Variants in PKIA observed in about 807,000 individuals in gnomAD.
The protein encoded by PKIA is cAMP-dependent protein kinase inhibitor alpha, also known as PKI-alpha.
PKIA carries 4 observed loss-of-function variants against 7.6 expected under a neutral mutation model. The observed-to-expected ratio is 0.52, with a 90% CI of 0.26 to 1.20. PKIA has a LOEUF of 1.20. PKIA is among the 50% of genes most tolerant of loss of function. The pLI, the probability that PKIA is intolerant of heterozygous loss-of-function variation, is 0.13. For missense variants in PKIA, 73 were observed against 86.2 expected (o/e 0.85, Z 0.61); for synonymous variants, 21 against 30.7 (o/e 0.68, Z 1.04).
intron 1 of PKIA, among the ~76,000 whole-genome samples, chr8:78,560,402 C>T (rs1807257820): frequency 6.6e-6 from 1 of 152,122 alleles, no homozygotes; most frequent in Non-Finnish European, 1.5e-5. Context: ...TTTTTCTATT[C>T]ACACCTTGAA....
chr8:78,568,555 G>A lies in PKIA; in HGVS notation c.-156-4256G>A, dbSNP rs180795415. Among the ~76,000 whole-genome samples the A allele has an allele frequency of 1.8e-4, 28 of 152,194 alleles. No homozygotes were observed. The East Asian group carries it at 5.2e-3, about 28-fold the overall frequency. On this transcript the variant is annotated intron_variant, in intron 1 of 3. Transcript: ENST00000396418. ...TGAATACAATAAATAAGCATAGGAG[G>A]CACCAAATAGTGAAAACTGGAAGGC...
rs1425816365 is a variant in PKIA, at chr8:78,602,855, A to G, written c.*1034A>G. 1.3e-5 allele frequency: 2 copies of G among 152,308 alleles called. No homozygotes were observed. Among genetic ancestry groups the G allele is most frequent in the Non-Finnish European group, 2.9e-5 (2 of 67,920 alleles). 9.4% of individuals were successfully genotyped at this position (152,308 alleles called of 1,614,324 possible). A position where few individuals can be genotyped will look rare whatever the true frequency, so the allele number is the denominator to read the frequency against. On this transcript the variant is annotated 3_prime_UTR_variant, in exon 4 of 4. Coordinates refer to ENST00000396418, the MANE Select transcript of PKIA (RefSeq NM_006823.4). ...ACTATTTAAATTTGGAGGACAACTT[A>G]TCTTCACTAAGCTGAATCAGGTGGA...
intron 1 of PKIA, among the ~76,000 whole-genome samples, chr8:78,525,019 G>A (rs1397808387): frequency 6.6e-6 from 1 of 151,666 alleles, no homozygotes; most frequent in African/African-American, 2.4e-5. Flanking sequence ...AGTAAATTAT[G>A]GATAGAACTA....
intron 1 of PKIA, among the ~76,000 whole-genome samples, chr8:78,540,689 T>C (rs546470455): frequency 1.6e-4 from 24 of 152,058 alleles, no homozygotes; most frequent in African/African-American, 5.5e-4. Flanking sequence ...TGTTACTTTC[T>C]GGTTTTCCTT....
chr8:78,524,942 C>A (rs1172925748), intron 1 of PKIA, among the ~76,000 whole-genome samples: 1 of 151,768 alleles, frequency 6.6e-6, no homozygotes, highest in Non-Finnish European at 1.5e-5. Flanking sequence ...CTGAAAGCTA[C>A]CCCCCAATAC....
At chr8:78,572,572 C>CAT (rs1272304162) in intron 1 of PKIA, among the ~76,000 whole-genome samples, 2 of 150,840 alleles carry the variant, frequency 1.3e-5, no homozygotes, top group Non-Finnish European at 3.0e-5. Context: ...CACACACACA[C>CAT]AATTAATTAA....
At chr8:78,550,038 A>G (rs192305056) in intron 1 of PKIA, among the ~76,000 whole-genome samples, 21 of 152,220 alleles carry the variant, frequency 1.4e-4, no homozygotes, top group Admixed American at 1.0e-3. Flanking sequence ...TTCCTCTTGT[A>G]TAAAATCTGA....
At chr8:78,592,319 T>C (rs1188187906) in intron 2 of PKIA, among the ~76,000 whole-genome samples, 2 of 152,108 alleles carry the variant, frequency 1.3e-5, no homozygotes, top group Admixed American at 6.6e-5. Flanking sequence ...TATTGGAAAA[T>C]AGATCTATTG....
intron 2 of PKIA, among the ~76,000 whole-genome samples, chr8:78,588,942 A>G (rs1326380563): frequency 1.3e-5 from 2 of 152,096 alleles, no homozygotes; most frequent in Non-Finnish European, 2.9e-5. Context: ...GATTTAAAAA[A>G]TGCAGAGTTA....
At chr8:78,549,786 T>G (rs1401305249) in intron 1 of PKIA, among the ~76,000 whole-genome samples, 11 of 151,396 alleles carry the variant, frequency 7.3e-5, no homozygotes, top group Non-Finnish European at 1.5e-4. Flanking sequence ...TTGAGCCTAC[T>G]CAGAGTCTCA....
At chr8:78,594,706 G>C (rs1445684669) in intron 2 of PKIA, among the ~76,000 whole-genome samples, 1 of 152,180 alleles carries the variant, frequency 6.6e-6, no homozygotes, top group Non-Finnish European at 1.5e-5. Flanking sequence ...TCCAACATGT[G>C]TCATGTTAAT....
chr8:78,533,715 G>T (rs1266682673), intron 1 of PKIA, among the ~76,000 whole-genome samples: 4 of 151,972 alleles, frequency 2.6e-5, no homozygotes, highest in South Asian at 2.1e-4. Flanking sequence ...AAAAAAATTT[G>T]CCAGGTGTTG....
intron 2 of PKIA, among the ~76,000 whole-genome samples, chr8:78,596,430 G>T (rs946223169): frequency 1.3e-5 from 2 of 151,910 alleles, no homozygotes; most frequent in Non-Finnish European, 2.9e-5. Context: ...AGTAGAGACG[G>T]ATTTCACCAT....
At chr8:78,593,815 G>C (rs752939632) in intron 2 of PKIA, among the ~76,000 whole-genome samples, 3 of 152,092 alleles carry the variant, frequency 2.0e-5, no homozygotes, top group African/African-American at 7.2e-5. Context: ...ATGTGAATAT[G>C]GGCAGATCAC....
intron 1 of PKIA, among the ~76,000 whole-genome samples, chr8:78,519,946 G>GC (rs1224687727): frequency 6.6e-6 from 1 of 152,062 alleles, no homozygotes; most frequent in Non-Finnish European, 1.5e-5. Flanking sequence ...AACCAGATGT[G>GC]CCCCTCTCTT....
rs183798611 is a variant in PKIA, at chr8:78,579,443, C to T, written c.-28+6504C>T. On this transcript the variant is annotated intron_variant, in intron 2 of 3. Coordinates refer to ENST00000396418, the MANE Select transcript of PKIA (RefSeq NM_006823.4). ...CATTTACCACTTTCCCCCTCACACA[C>T]TCGCCTCTAGAATGTTTTTCCCTAA... Among the ~76,000 whole-genome samples, 7 of 152,102 alleles carry T rather than the reference C, an allele frequency of 4.6e-5. No homozygotes were observed. In the East Asian group the frequency reaches 1.2e-3, roughly 25 times the overall value.
chr8:78,589,620 A>C (rs35537131), intron 2 of PKIA, among the ~76,000 whole-genome samples: 37,648 of 152,026 alleles, frequency 0.25, 5,514 homozygotes, highest in African/African-American at 0.41. Flanking sequence ...GAACTGCTGG[A>C]ACTTTTGCAC....
At chr8:78,522,778 C>G (rs754487923) in intron 1 of PKIA, among the ~76,000 whole-genome samples, 33 of 151,840 alleles carry the variant, frequency 2.2e-4, no homozygotes, top group Admixed American at 9.2e-4. Context: ...TTGTTTGCAC[C>G]AGCAATAGGT....
At chr8:78,555,188 T>C (rs1486684813) in intron 1 of PKIA, among the ~76,000 whole-genome samples, 1 of 152,050 alleles carries the variant, frequency 6.6e-6, no homozygotes, top group Non-Finnish European at 1.5e-5. Flanking sequence ...TTGCATAAGT[T>C]TCATCAAGCT....
Sources: allele counts gnomAD v4.1 joint callset (sites outside exome capture counted in the v4.1 genomes callset), GRCh38; gene constraint gnomAD v4.1.1; transcripts MANE v1.5; gene names NCBI Gene and HGNC (gene_info 2026-07-23, HGNC 2026-07-21).